The following RBFOX1 variants were observed in gnomAD, a reference collection of about 807,000 sequenced individuals.
RBFOX1 encodes RNA binding protein fox-1 homolog 1.
Under a neutral mutation model 57.7 loss-of-function variants are expected in RBFOX1, and 8 were observed. The observed-to-expected ratio is 0.14, with a 90% CI of 0.08 to 0.25. The LOEUF is 0.25. Among genes scored for constraint, RBFOX1 ranks in the 10% least tolerant of loss-of-function variants. RBFOX1 has a pLI of 1.00. For synonymous variants in RBFOX1, 326 were observed against 222.4 expected (o/e 1.47, Z -4.15); for missense variants, 611 against 548.5 (o/e 1.11, Z -1.14).
intron 3 of RBFOX1, among the ~76,000 whole-genome samples, chr16:6,853,301 T>A (rs567224035): frequency 6.6e-6 from 1 of 152,248 alleles, no homozygotes; most frequent in South Asian, 2.1e-4. Flanking sequence ...GTTTTTGATA[T>A]TGTTTCTATG....
At chr16:6,413,020 T>C (rs1004271605) in intron 2 of RBFOX1, among the ~76,000 whole-genome samples, 7 of 152,198 alleles carry the variant, frequency 4.6e-5, no homozygotes, top group African/African-American at 1.7e-4. Flanking sequence ...GGCTCAGCTA[T>C]TTTTAAAAAA....
At chr16:6,234,894 T>G (rs1567738526) in intron 1 of RBFOX1, among the ~76,000 whole-genome samples, 1 of 152,102 alleles carries the variant, frequency 6.6e-6, no homozygotes, top group Non-Finnish European at 1.5e-5. Context: ...TCGGTTTCCT[T>G]GTTTGGATAT....
chr16:5,521,222 C>T (rs2044000273), intron 2 of RBFOX1, among the ~76,000 whole-genome samples: 2 of 152,078 alleles, frequency 1.3e-5, no homozygotes, highest in African/African-American at 4.8e-5. Flanking sequence ...TTAGTGTCAC[C>T]ACCAGGGTCC....
chr16:5,792,951 G>C (rs1432648904), intron 3 of RBFOX1, among the ~76,000 whole-genome samples: 1 of 152,224 alleles, frequency 6.6e-6, no homozygotes, highest in Admixed American at 6.5e-5. Flanking sequence ...AGGCTGAGTA[G>C]GAGGAGGAAG....
At chr16:6,074,568 A>G (rs34899432) in intron 1 of RBFOX1, among the ~76,000 whole-genome samples, 25,229 of 152,156 alleles carry the variant, frequency 0.17, 2,557 homozygotes, top group Middle Eastern at 0.24. Flanking sequence ...AAGAGGGACT[A>G]TCGTGATAGG....
At chr16:6,855,847 T>TCCCTCCCTCTTTCCCTCCCTGTC (rs1299882934) in intron 3 of RBFOX1, among the ~76,000 whole-genome samples, 2 of 149,490 alleles carry the variant, frequency 1.3e-5, no homozygotes, top group Non-Finnish European at 3.0e-5. Flanking sequence ...CCCTCCCTCT[T>TCCCTCCCTCTTTCCCTCCCTGTC]TCCCTCCCTT....
chr16:6,679,667 A>G (rs922715402), intron 3 of RBFOX1, among the ~76,000 whole-genome samples: 4 of 152,176 alleles, frequency 2.6e-5, no homozygotes, highest in African/African-American at 7.2e-5. Context: ...AAACACCTGT[A>G]TAAAGCATAG....
At chr16:5,275,264 T>C (rs2063113224) in intron 1 of RBFOX1, among the ~76,000 whole-genome samples, 2 of 152,352 alleles carry the variant, frequency 1.3e-5, no homozygotes, top group Non-Finnish European at 2.9e-5. Context: ...CTTTGGGATA[T>C]TGATCACCTC....
At chr16:6,296,522 G>A (rs565665405) in intron 1 of RBFOX1, among the ~76,000 whole-genome samples, 48 of 152,020 alleles carry the variant, frequency 3.2e-4, no homozygotes, top group African/African-American at 1.1e-3. Flanking sequence ...CCGGGTTCAG[G>A]CCATTCTCCT....
At chr16:7,216,931 G>A (rs1310983331) in intron 4 of RBFOX1, among the ~76,000 whole-genome samples, 1 of 151,320 alleles carries the variant, frequency 6.6e-6, no homozygotes, top group Non-Finnish European at 1.5e-5. Context: ...AACAAAGTCA[G>A]AGTATTCAGG....
chr16:7,637,973 C>T (rs1205496715), intron 11 of RBFOX1, among the ~76,000 whole-genome samples: 3 of 152,172 alleles, frequency 2.0e-5, no homozygotes, highest in Non-Finnish European at 2.9e-5. Flanking sequence ...CTTAAGATCC[C>T]ATATGGCTTA....
rs559423290 is a variant in RBFOX1, at chr16:6,256,690, C to G, written c.-126-60305C>G. On this transcript the variant is annotated intron_variant, in intron 1 of 15. Coordinates refer to ENST00000550418, the MANE Select transcript of RBFOX1 (RefSeq NM_018723.4). ...GGATGCTGCCCTGTGCATTTTAGGA[C>G]ACTTCGTAGCATCCCCGGCTGCCAC... 5.9e-5 allele frequency among the ~76,000 whole-genome samples: 9 copies of G among 152,204 alleles called. No individual in the cohort carries two copies. The South Asian group carries it at 1.9e-3, about 32-fold the overall frequency.
chr16:6,384,887 C>T (rs766558251), intron 2 of RBFOX1, among the ~76,000 whole-genome samples: 47 of 152,180 alleles, frequency 3.1e-4, no homozygotes, highest in Non-Finnish European at 5.1e-4. Context: ...TCCCTTAGAA[C>T]TAGTCTGCAG....
intron 4 of RBFOX1, among the ~76,000 whole-genome samples, chr16:7,188,092 G>T (rs974857783): frequency 2.6e-5 from 4 of 152,232 alleles, no homozygotes; most frequent in Non-Finnish European, 2.9e-5. Flanking sequence ...ATGCAATGTG[G>T]AATATTTGGT....
chr16:7,688,348 T>C (rs1002586234), intron 14 of RBFOX1, among the ~76,000 whole-genome samples: 2 of 151,970 alleles, frequency 1.3e-5, no homozygotes, highest in Non-Finnish European at 2.9e-5. Flanking sequence ...TCCTGAGATA[T>C]ATTTAACAAT....
In RBFOX1 at chr16:6,959,979, TAAAC is replaced by T. The variant is rs560721807; in HGVS notation, c.-15-92074_-15-92071del. ...TAAATGCCAAGAAAGCCAGTGCCCT[TAAAC>T]AAAGGCTGAAATGTAACAAAAACCC... On this transcript the variant is annotated intron_variant, in intron 3 of 15. Transcript: ENST00000550418. Among the ~76,000 whole-genome samples, 28 of 152,208 alleles carry T rather than the reference TAAAC, an allele frequency of 1.8e-4. No individual in the cohort carries two copies. In the South Asian group the frequency reaches 5.4e-3, roughly 29 times the overall value.
intron 3 of RBFOX1, among the ~76,000 whole-genome samples, chr16:5,675,218 GCACA>G (rs113522371): frequency 6.7e-5 from 10 of 150,170 alleles, no homozygotes; most frequent in Non-Finnish European, 1.3e-4. Context: ...ATGTACTCAC[GCACA>G]CACACACACA....
intron 4 of RBFOX1, among the ~76,000 whole-genome samples, chr16:7,215,716 C>G (rs1008820735): frequency 2.8e-5 from 4 of 142,338 alleles, no homozygotes; most frequent in Admixed American, 7.7e-5. Flanking sequence ...AAGAATTGGC[C>G]TATTCTGGAT....
At chr16:5,454,729 CTCTT>C (rs1200086730) in intron 1 of RBFOX1, among the ~76,000 whole-genome samples, 3 of 42,478 alleles carry the variant, frequency 7.1e-5, no homozygotes, top group Non-Finnish European at 1.0e-4. Context: ...TAAAATCTCT[CTCTT>C]TCTTTCTTTC....
Sources: allele counts gnomAD v4.1 joint callset (sites outside exome capture counted in the v4.1 genomes callset), GRCh38; gene constraint gnomAD v4.1.1; transcripts MANE v1.5; gene names NCBI Gene and HGNC (gene_info 2026-07-23, HGNC 2026-07-21).